Variants in WWOX observed in about 807,000 individuals in gnomAD.
WWOX encodes the protein WW domain containing oxidoreductase, also known as WW domain-containing oxidoreductase.
In WWOX, 69 loss-of-function variants were observed where a neutral mutation model predicts 46.2. The observed-to-expected ratio is 1.49, with a 90% CI of 1.23 to 1.82. WWOX has a LOEUF of 1.82. WWOX is among the 40% of genes most tolerant of loss of function. The pLI is 0.00. For synonymous variants in WWOX, 359 were observed against 202.6 expected (o/e 1.77, Z -6.56); for missense variants, 919 against 542.6 (o/e 1.69, Z -6.89).
At chr16:78,757,001 C>T (rs755736786) in intron 8 of WWOX, 3 of 702,706 alleles carry the variant, frequency 4.3e-6, no homozygotes, top group Non-Finnish European at 5.2e-6. Context: ...AACTGAGCCT[C>T]CTGCCAACAG....
At chr16:78,641,398 A>G (rs186622976) in intron 8 of WWOX, among the ~76,000 whole-genome samples, 10 of 152,248 alleles carry the variant, frequency 6.6e-5, no homozygotes, top group Admixed American at 1.3e-4. Context: ...TGTCAGGGTT[A>G]TCAATATCCG....
At chr16:78,675,903 A>G (rs2142217015) in intron 8 of WWOX, among the ~76,000 whole-genome samples, 1 of 152,268 alleles carries the variant, frequency 6.6e-6, no homozygotes, top group East Asian at 1.9e-4. Flanking sequence ...AATTTGGAAA[A>G]TGTAAGAAGT....
intron 5 of WWOX, among the ~76,000 whole-genome samples, chr16:78,305,195 A>C (rs1328372290): frequency 6.6e-6 from 1 of 152,050 alleles, no homozygotes; most frequent in African/African-American, 2.4e-5. Context: ...GATTCAAATC[A>C]CCAACTGAAT....
chr16:78,791,195 C>T (rs1567561996), intron 8 of WWOX, among the ~76,000 whole-genome samples: 1 of 152,008 alleles, frequency 6.6e-6, no homozygotes, highest in African/African-American at 2.4e-5. Context: ...TGGGCTGTAT[C>T]TGCGTAAGGT....
intron 4 of WWOX, among the ~76,000 whole-genome samples, chr16:78,129,245 C>T (rs139336023): frequency 5.3e-4 from 80 of 152,064 alleles, no homozygotes; most frequent in Middle Eastern, 3.4e-3. Context: ...GTGTCATCAT[C>T]GCGACGCTGT....
intron 4 of WWOX, among the ~76,000 whole-genome samples, chr16:78,161,487 C>T (rs150636559): frequency 6.6e-6 from 1 of 151,822 alleles, no homozygotes; most frequent in African/African-American, 2.4e-5. Flanking sequence ...TGCTCTGTCA[C>T]TCTGGCTGGA....
At chr16:78,261,784 C>CTAGATATATATA (rs1259613713) in intron 5 of WWOX, among the ~76,000 whole-genome samples, 5 of 50,900 alleles carry the variant, frequency 9.8e-5, no homozygotes, top group African/African-American at 6.2e-4. Context: ...ATCTATCTAT[C>CTAGATATATATA]TATCTATATA....
At chr16:78,408,240 C>T (rs896259841) in intron 6 of WWOX, among the ~76,000 whole-genome samples, 1 of 152,174 alleles carries the variant, frequency 6.6e-6, no homozygotes, top group African/African-American at 2.4e-5. Context: ...TTTACATATT[C>T]CTGCCCTTCC....
At chr16:78,798,854 G>C (rs2050812076) in intron 8 of WWOX, among the ~76,000 whole-genome samples, 1 of 152,134 alleles carries the variant, frequency 6.6e-6, no homozygotes, top group African/African-American at 2.4e-5. Flanking sequence ...CCAATGTCAG[G>C]ACTGAATACA....
chr16:78,684,521 A>C (rs1267271362), intron 8 of WWOX, among the ~76,000 whole-genome samples: 1 of 152,040 alleles, frequency 6.6e-6, no homozygotes, highest in Non-Finnish European at 1.5e-5. Context: ...TTATTACGGG[A>C]CCTGGATGTG....
At chr16:78,769,919 TG>T (rs938237060) in intron 8 of WWOX, among the ~76,000 whole-genome samples, 1 of 151,782 alleles carries the variant, frequency 6.6e-6, no homozygotes, top group African/African-American at 2.4e-5. Flanking sequence ...GTGGAGCATG[TG>T]GGGGTCCCAG....
rs1031991532 is a variant in WWOX, at chr16:78,825,938, C to G, written c.1057-385670C>G. On this transcript the variant is annotated intron_variant, in intron 8 of 8. Coordinates refer to ENST00000566780, the MANE Select transcript of WWOX (RefSeq NM_016373.4). ...CAAAGATGAGGTAGTGCCCACCACT[C>G]CCATCTCAGAACAGAAGGGTGGGAA... 3.5e-5 allele frequency: 28 copies of G among 811,432 alleles called. No homozygotes were observed. In the African/African-American group the frequency reaches 4.1e-4, roughly 12 times the overall value. 50.3% of individuals were successfully genotyped at this position (811,432 alleles called of 1,614,324 possible). A position where few individuals can be genotyped will look rare whatever the true frequency, so the allele number is the denominator to read the frequency against.
intron 5 of WWOX, among the ~76,000 whole-genome samples, chr16:78,358,869 T>TTTTTC (rs1312264866): frequency 6.7e-6 from 1 of 149,078 alleles, no homozygotes; most frequent in Non-Finnish European, 1.5e-5. Context: ...CTGTGGTCTT[T>TTTTTC]TTTTTTTTTT....
intron 8 of WWOX, among the ~76,000 whole-genome samples, chr16:78,684,020 G>A (rs919033051): frequency 6.6e-6 from 1 of 152,142 alleles, no homozygotes; most frequent in Non-Finnish European, 1.5e-5. Flanking sequence ...AGCTGATTCT[G>A]CTGCTGCTGG....
At chr16:78,833,628 C>G (rs1356873303) in intron 8 of WWOX, among the ~76,000 whole-genome samples, 1 of 152,208 alleles carries the variant, frequency 6.6e-6, no homozygotes, top group Admixed American at 6.5e-5. Flanking sequence ...ATGTTCCTTT[C>G]TCTTGTGCAT....
At chr16:78,357,824 G>A (rs956397732) in intron 5 of WWOX, among the ~76,000 whole-genome samples, 6 of 152,202 alleles carry the variant, frequency 3.9e-5, no homozygotes, top group African/African-American at 1.4e-4. Context: ...GGAGTTTGGT[G>A]AATTAATCAC....
chr16:79,144,352 C>A (rs2050146269), intron 8 of WWOX, among the ~76,000 whole-genome samples: 1 of 152,200 alleles, frequency 6.6e-6, no homozygotes, highest in Admixed American at 6.5e-5. Flanking sequence ...CCTGAGAAGG[C>A]CAGCTTTTTG....
At chr16:78,220,308 A>G (rs2036848003) in intron 5 of WWOX, among the ~76,000 whole-genome samples, 1 of 152,094 alleles carries the variant, frequency 6.6e-6, no homozygotes, top group Non-Finnish European at 1.5e-5. Context: ...GATTTCATAC[A>G]CTTAAATGTA....
In WWOX at chr16:78,560,698, C is replaced by A. The variant is rs149005264; in HGVS notation, c.1056+127946C>A. Among the ~76,000 whole-genome samples the A allele has an allele frequency of 5.2e-3, 792 of 152,078 alleles. 10 individuals are homozygous for A. Among genetic ancestry groups the A allele is most frequent in the African/African-American group, 0.019 (773 of 41,470 alleles). ...TAATAATAATGTTAGTGATACATATCATTTTGAAACCAGTTCTTAAGCAAT... is the reference window on the plus strand; with the variant it reads ...TAATAATAATGTTAGTGATACATATAATTTTGAAACCAGTTCTTAAGCAAT... On this transcript the variant is annotated intron_variant, in intron 8 of 8. Transcript: ENST00000566780.
Sources: allele counts gnomAD v4.1 joint callset (sites outside exome capture counted in the v4.1 genomes callset), GRCh38; gene constraint gnomAD v4.1.1; transcripts MANE v1.5; gene names NCBI Gene and HGNC (gene_info 2026-07-23, HGNC 2026-07-21).